Variants in CSMD1 observed in about 807,000 individuals in gnomAD.
The protein encoded by CSMD1 is CUB and Sushi multiple domains 1, also known as CUB and sushi domain-containing protein 1.
Under a neutral mutation model 417.5 loss-of-function variants are expected in CSMD1, and 213 were observed. That is an observed-to-expected ratio of 0.51 (90% CI 0.46 to 0.57). The LOEUF is 0.57. Among genes scored for constraint, CSMD1 ranks in the 20% least tolerant of loss-of-function variants. CSMD1 has a pLI of 0.00. For missense variants in CSMD1, 6,923 were observed against 4,529.7 expected (o/e 1.53, Z -15.17); for synonymous variants, 2,862 against 1,736.8 (o/e 1.65, Z -16.11).
At chr8:3,025,467 T>C (rs953231055) in intron 51 of CSMD1, among the ~76,000 whole-genome samples, 2 of 152,202 alleles carry the variant, frequency 1.3e-5, no homozygotes, top group East Asian at 1.9e-4. Flanking sequence ...TGAAACTGTG[T>C]ATTGTGTGGT....
At chr8:3,141,924 A>T (rs1563080946) in intron 41 of CSMD1, among the ~76,000 whole-genome samples, 1 of 151,374 alleles carries the variant, frequency 6.6e-6, no homozygotes, top group Non-Finnish European at 1.5e-5. Context: ...CAGCCTCCCG[A>T]GTAGCTGGGA....
Position 2,946,230 on chromosome 8 carries a change from G to T in CSMD1, c.10402+3069C>A, listed in dbSNP as rs149478910. Reference sequence around the variant, plus strand: ...TTTGTTGACCAAAATGTCATTATGCGATGCGTGACTGTCCTATATAATTCA... The same window carrying T: ...TTTGTTGACCAAAATGTCATTATGCTATGCGTGACTGTCCTATATAATTCA... On this transcript the variant is annotated intron_variant, in intron 68 of 69. Transcript: ENST00000635120. Among the ~76,000 whole-genome samples, 15 of 152,302 alleles carry T rather than the reference G, an allele frequency of 9.8e-5. No individual in the cohort carries two copies. The Middle Eastern group carries it at 0.017, about 173-fold the overall frequency.
chr8:4,831,844 C>T (rs1403238364), intron 1 of CSMD1, among the ~76,000 whole-genome samples: 1 of 151,824 alleles, frequency 6.6e-6, no homozygotes, highest in Non-Finnish European at 1.5e-5. Context: ...AGACAAAGCA[C>T]AGTGTGTGCC....
At chr8:4,572,529 T>G (rs975916630) in intron 2 of CSMD1, among the ~76,000 whole-genome samples, 2 of 152,176 alleles carry the variant, frequency 1.3e-5, no homozygotes, top group Non-Finnish European at 2.9e-5. Context: ...ACCCAACCTT[T>G]CTCTCTAGCT....
intron 3 of CSMD1, among the ~76,000 whole-genome samples, chr8:4,186,381 C>G (rs1012736701): frequency 6.6e-6 from 1 of 152,154 alleles, no homozygotes; most frequent in African/African-American, 2.4e-5. Context: ...AATGCAGCAT[C>G]TCTGCTCACC....
chr8:4,336,611 T>G (rs1397509982), intron 3 of CSMD1, among the ~76,000 whole-genome samples: 1 of 152,134 alleles, frequency 6.6e-6, no homozygotes, highest in Non-Finnish European at 1.5e-5. Flanking sequence ...CAAAGTGCAT[T>G]TGTTGTGTTG....
chr8:3,655,085 T>G (rs2117409284), intron 7 of CSMD1, among the ~76,000 whole-genome samples: 1 of 152,352 alleles, frequency 6.6e-6, no homozygotes, highest in Admixed American at 6.5e-5. Flanking sequence ...TTTAACCAAT[T>G]TATTTTCATT....
chr8:4,090,788 G>T (rs930639265), intron 3 of CSMD1, among the ~76,000 whole-genome samples: 3 of 152,150 alleles, frequency 2.0e-5, no homozygotes, highest in Admixed American at 1.3e-4. Context: ...TAATTCACTG[G>T]TGCGTGGTTA....
At chr8:3,409,187 G>T (rs529961102) in intron 13 of CSMD1, among the ~76,000 whole-genome samples, 2 of 152,302 alleles carry the variant, frequency 1.3e-5, no homozygotes, top group South Asian at 2.1e-4. Flanking sequence ...GGTAGGAAAC[G>T]TTCAAGTACA....
chr8:4,434,289 C>T (rs1213117325), intron 2 of CSMD1, among the ~76,000 whole-genome samples: 5 of 152,146 alleles, frequency 3.3e-5, no homozygotes, highest in Non-Finnish European at 7.4e-5. Context: ...TTGCTTGAAC[C>T]TTGGAGATGG....
intron 2 of CSMD1, among the ~76,000 whole-genome samples, chr8:4,535,621 T>C (rs1217374089): frequency 2.0e-5 from 3 of 152,306 alleles, no homozygotes; most frequent in Non-Finnish European, 2.9e-5. Flanking sequence ...AATTATAATA[T>C]AGTTCCAAAT....
chr8:4,748,272 A>C (rs1335067157), intron 1 of CSMD1, among the ~76,000 whole-genome samples: 1 of 152,244 alleles, frequency 6.6e-6, no homozygotes, highest in Non-Finnish European at 1.5e-5. Flanking sequence ...TAGAAAGCAC[A>C]CAAGCAAATC....
At chr8:4,167,651 G>C (rs1027589271) in intron 3 of CSMD1, among the ~76,000 whole-genome samples, 4 of 152,170 alleles carry the variant, frequency 2.6e-5, no homozygotes, top group East Asian at 1.9e-4. Flanking sequence ...GGAAGATACA[G>C]ATTGGCCACA....
At chr8:4,433,360 T>C (rs1797976769) in intron 2 of CSMD1, among the ~76,000 whole-genome samples, 1 of 152,150 alleles carries the variant, frequency 6.6e-6, no homozygotes, top group Non-Finnish European at 1.5e-5. Context: ...TATATACAAC[T>C]CATAATATCA....
At chr8:3,784,532 C>T (rs899373018) in intron 5 of CSMD1, among the ~76,000 whole-genome samples, 1 of 152,140 alleles carries the variant, frequency 6.6e-6, no homozygotes, top group Non-Finnish European at 1.5e-5. Flanking sequence ...TTCTAACACA[C>T]CAACTGGTCC....
At chr8:4,936,435 T>C (rs117736835) in intron 1 of CSMD1, among the ~76,000 whole-genome samples, 5,366 of 152,196 alleles carry the variant, frequency 0.035, 131 homozygotes, top group South Asian at 0.053. Flanking sequence ...TAGAAAAAAA[T>C]AGAAGGATTT....
At chr8:4,334,269 C>A (rs929702405) in intron 3 of CSMD1, among the ~76,000 whole-genome samples, 7 of 152,124 alleles carry the variant, frequency 4.6e-5, no homozygotes, top group African/African-American at 1.7e-4. Context: ...TAAAAGTATG[C>A]CTTACACGTG....
chr8:3,407,820 C>T, intron 14 of CSMD1, 79 bp downstream of exon 14: 2 of 1,241,444 alleles, frequency 1.6e-6, no homozygotes, highest in Non-Finnish European at 2.2e-6. Flanking sequence ...TGAAATGCAA[C>T]TTCACATACA....
chr8:4,874,786 G>C (rs1016525110), intron 1 of CSMD1, among the ~76,000 whole-genome samples: 2 of 150,610 alleles, frequency 1.3e-5, no homozygotes, highest in African/African-American at 4.9e-5. Flanking sequence ...AATAGAGATA[G>C]ACTTTTTGTG....
Sources: gnomAD v4.1 joint callset for allele counts (sites outside exome capture counted in the v4.1 genomes callset) on GRCh38, gnomAD v4.1.1 for gene constraint, MANE v1.5 for transcripts, NCBI Gene and HGNC (gene_info 2026-07-23, HGNC 2026-07-21) for gene names.